Variants in ARL6 observed in about 807,000 individuals in gnomAD.
ARL6 encodes the protein ARF like GTPase 6.
Under a neutral mutation model 27.1 loss-of-function variants are expected in ARL6, and 18 were observed. The observed-to-expected ratio is 0.66, with a 90% CI of 0.46 to 0.98. The LOEUF is 0.98. Ranked by LOEUF, ARL6 falls within the 50% of genes least tolerant of loss-of-function variation. The pLI is 0.00. For missense variants in ARL6, 187 were observed against 214.9 expected, an observed-to-expected ratio of 0.87 and a Z score of 0.81; for synonymous variants, 65 against 72.3, an observed-to-expected ratio of 0.90 and a Z score of 0.51.
chr3:97,784,707 T>G (rs2037363028), intron 4 of ARL6, among the ~76,000 whole-genome samples: 1 of 151,898 alleles, frequency 6.6e-6, no homozygotes, highest in South Asian at 2.1e-4. Context: ...TTTTTTAAAA[T>G]TATGAAGTAG....
intron 7 of ARL6, 23 bp from the exon 8 acceptor site, chr3:97,798,001 T>TTTTG: frequency 6.2e-7 from 1 of 1,611,152 alleles, no homozygotes. Flanking sequence ...GATTGATAAT[T>TTTTG]TTTGTTTGTT....
chr3:97,794,552 T>C (rs1196497730), intron 7 of ARL6, among the ~76,000 whole-genome samples: 1 of 152,122 alleles, frequency 6.6e-6, no homozygotes, highest in Admixed American at 6.6e-5. Context: ...AAATAGTTTA[T>C]ATTGTCATAT....
chr3:97,793,617 T>C (rs191872342), intron 7 of ARL6, among the ~76,000 whole-genome samples: 1 of 152,282 alleles, frequency 6.6e-6, no homozygotes, highest in East Asian at 1.9e-4. Flanking sequence ...AGCCACTAGG[T>C]GTCAGTAGCA....
chr3:97,785,147 C>A, intron 5 of ARL6, 98 bp downstream of exon 5: 2 of 902,730 alleles, frequency 2.2e-6, no homozygotes, highest in South Asian at 1.6e-5. Context: ...AATTATCTTT[C>A]ATTTAAAATT....
intron 2 of ARL6, among the ~76,000 whole-genome samples, chr3:97,776,106 T>C (rs1394802930): frequency 6.6e-6 from 1 of 152,252 alleles, no homozygotes; most frequent in Non-Finnish European, 1.5e-5. Flanking sequence ...GGTTAATATA[T>C]ACGGTGTTCC....
intron 4 of ARL6, among the ~76,000 whole-genome samples, chr3:97,781,538 G>A (rs564420554): frequency 6.6e-6 from 1 of 152,178 alleles, no homozygotes; most frequent in South Asian, 2.1e-4. Context: ...GGAAGAATTT[G>A]CATATGTTAT....
chr3:97,785,117 G>C, intron 5 of ARL6, 68 bp downstream of exon 5: 4 of 1,247,740 alleles, frequency 3.2e-6, no homozygotes, highest in Admixed American at 3.4e-5. Context: ...TTTGTTCTTT[G>C]GGTATTGCTT....
chr3:97,801,070 A>G lies in ARL6; in HGVS notation c.*3021A>G, dbSNP rs182045622. ...CTTAAGGCAAATTCATCTTGCTTAT[A>G]ACTCTGGTGCATGTGCATTAAAATA... On this transcript the variant is annotated 3_prime_UTR_variant, in exon 8 of 8. Coordinates refer to ENST00000463745, the MANE Select transcript of ARL6 (RefSeq NM_001278293.3). 5.3e-5 allele frequency: 8 copies of G among 152,324 alleles called. No homozygotes were observed. In the East Asian group the frequency reaches 5.8e-4, roughly 11 times the overall value. The allele number at this position is 152,324 out of a possible 1,614,324, so 9.4% of individuals were successfully genotyped here. A position where few individuals can be genotyped will look rare whatever the true frequency, so the allele number is the denominator to read the frequency against.
chr3:97,787,310 G>C (rs763012196), intron 5 of ARL6, among the ~76,000 whole-genome samples: 2 of 152,060 alleles, frequency 1.3e-5, no homozygotes, highest in Non-Finnish European at 2.9e-5. Context: ...AAAGTAATGA[G>C]GTTGGCCTGC....
chr3:97,769,446 C>T (rs529407571), intron 2 of ARL6, among the ~76,000 whole-genome samples: 1 of 152,142 alleles, frequency 6.6e-6, no homozygotes. Flanking sequence ...TTAGGGGTTA[C>T]ATGTGATAGT....
intron 1 of ARL6, among the ~76,000 whole-genome samples, 157 bp from the exon 2 acceptor site, chr3:97,767,924 A>G (rs952610112): frequency 9.2e-5 from 14 of 152,290 alleles, no homozygotes; most frequent in Admixed American, 2.6e-4. Context: ...TCTGGTAATC[A>G]GCTTACACTG....
intron 7 of ARL6, among the ~76,000 whole-genome samples, chr3:97,796,001 A>G (rs374901115): frequency 6.6e-6 from 1 of 152,206 alleles, no homozygotes; most frequent in African/African-American, 2.4e-5. Flanking sequence ...GCAAATATCT[A>G]AAGGTATTAA....
Position 97,768,063 on chromosome 3 carries a change from A to G in ARL6, c.-27-18A>G. ...TTAAGGTGCCTTTGGGTAATATTTT[A>G]TTTTTTCTTAATTGCAGCTGGTTTG... is the stretch of plus-strand genomic sequence containing the variant. On this transcript the variant is annotated intron_variant, in intron 1 of 7. Transcript: ENST00000463745. 1 of 1,609,170 alleles carries G rather than the reference A, an allele frequency of 6.2e-7. No individual in the cohort carries two copies. Among genetic ancestry groups the G allele is most frequent in the Non-Finnish European group, 8.5e-7 (1 of 1,176,604 alleles).
intron 2 of ARL6, among the ~76,000 whole-genome samples, chr3:97,778,637 T>C (rs2037026960): frequency 6.6e-6 from 1 of 152,176 alleles, no homozygotes; most frequent in African/African-American, 2.4e-5. Flanking sequence ...TCAGTGAGCA[T>C]GTAATTATAA....
rs1456707829 is a variant in ARL6, at chr3:97,799,270, CAT to C, written c.*1222_*1223del. ...TGTTATAGTAACTGCAGTAGTGGTA[CAT>C]GTTTCACAAAGATTTTAATAAAAGC... On this transcript the variant is annotated 3_prime_UTR_variant, in exon 8 of 8. Transcript: ENST00000463745. The C allele has an allele frequency of 6.6e-6, 1 of 152,016 alleles. No individual in the cohort carries two copies. Among genetic ancestry groups the C allele is most frequent in the Non-Finnish European group, 1.5e-5 (1 of 67,940 alleles). The allele number at this position is 152,016 out of a possible 1,614,324, so 9.4% of individuals were successfully genotyped here. A position where few individuals can be genotyped will look rare whatever the true frequency, so the allele number is the denominator to read the frequency against.
intron 2 of ARL6, among the ~76,000 whole-genome samples, chr3:97,774,406 C>T (rs1354884175): frequency 1.3e-5 from 2 of 152,030 alleles, no homozygotes; most frequent in South Asian, 2.1e-4. Flanking sequence ...ATTATCTTGC[C>T]TGGCAACTGC....
intron 6 of ARL6, among the ~76,000 whole-genome samples, chr3:97,790,050 A>C (rs1338924662): frequency 1.3e-5 from 1 of 75,680 alleles, no homozygotes; most frequent in South Asian, 3.8e-4. Context: ...TGGCATCATG[A>C]TTGTGTGTGT....
At chr3:97,778,410 C>A (rs1055085386) in intron 2 of ARL6, among the ~76,000 whole-genome samples, 2 of 152,096 alleles carry the variant, frequency 1.3e-5, no homozygotes, top group Non-Finnish European at 2.9e-5. Context: ...AGTGCATTAC[C>A]ATGCTATTAA....
Position 97,798,820 on chromosome 3 carries a change from G to C in ARL6, c.*771G>C, listed in dbSNP as rs2038121386. On this transcript the variant is annotated 3_prime_UTR_variant, in exon 8 of 8. Transcript: ENST00000463745. Reference sequence around the variant, plus strand: ...TCTAATTTTATTTCATTGGCTGAATGAAAATATTGCATCTTCAGATTAAGA... The same window carrying C: ...TCTAATTTTATTTCATTGGCTGAATCAAAATATTGCATCTTCAGATTAAGA... 1 of 151,988 alleles carries C rather than the reference G, an allele frequency of 6.6e-6. No individual in the cohort carries two copies. Among genetic ancestry groups the C allele is most frequent in the African/African-American group, 2.4e-5 (1 of 41,434 alleles). The allele number at this position is 151,988 out of a possible 1,614,324, so 9.4% of individuals were successfully genotyped here. A position where few individuals can be genotyped will look rare whatever the true frequency, so the allele number is the denominator to read the frequency against.
Sources: allele counts gnomAD v4.1 joint callset (sites outside exome capture counted in the v4.1 genomes callset), GRCh38; gene constraint gnomAD v4.1.1; transcripts MANE v1.5; gene names NCBI Gene and HGNC (gene_info 2026-07-23, HGNC 2026-07-21).